Variants in SMG6 observed in about 807,000 individuals in gnomAD.
SMG6 encodes SMG6 nonsense mediated mRNA decay factor.
SMG6 carries 66 observed loss-of-function variants against 142.2 expected under a neutral mutation model. The ratio of observed to expected loss-of-function variants is 0.46; its 90% CI spans 0.38 to 0.57. The LOEUF (loss-of-function observed/expected upper bound fraction) is 0.57, where lower values mean the gene tolerates loss of function less well. Ranked by LOEUF, SMG6 falls within the 20% of genes least tolerant of loss-of-function variation. SMG6 has a pLI of 0.00. For synonymous variants in SMG6, 779 were observed against 702.4 expected (o/e 1.11, Z -1.72); for missense variants, 1,793 against 1,832.0 (o/e 0.98, Z 0.39).
chr17:2,233,346 GA>G (rs2073553988), intron 10 of SMG6: 2 of 152,408 alleles, frequency 1.3e-5, no homozygotes, highest in South Asian at 2.1e-4. Context: ...GGAATGGAAA[GA>G]AAAATGATGG....
At chr17:2,066,216 T>G (rs2067937811) in intron 16 of SMG6, 1 of 168,284 alleles carries the variant, frequency 5.9e-6, no homozygotes, top group South Asian at 1.4e-4. Flanking sequence ...GACCAGAACC[T>G]TGGCACATCT....
chr17:2,244,651 C>G lies in SMG6; in HGVS notation c.2723+7G>C. On this transcript the variant is annotated splice_region_variant and intron_variant, in intron 9 of 18. Coordinates refer to ENST00000263073, the MANE Select transcript of SMG6 (RefSeq NM_017575.5). ...AGGAAAATAAAATAAACATCCTGCACACTTACCCAATCCGGGTAAACAGCT... is the reference window on the plus strand; with the variant it reads ...AGGAAAATAAAATAAACATCCTGCAGACTTACCCAATCCGGGTAAACAGCT... The G allele has an allele frequency of 1.2e-6, 2 of 1,605,340 alleles. No homozygotes were observed. The highest frequency in any genetic ancestry group is 1.7e-6 in the Non-Finnish European group (2 of 1,171,912).
intron 10 of SMG6, chr17:2,229,497 C>T (rs1465819706): frequency 6.6e-6 from 1 of 151,928 alleles, no homozygotes; most frequent in Non-Finnish European, 1.5e-5. Context: ...GTATAATTTA[C>T]TAGCTGTGCA....
intron 13 of SMG6, among the ~76,000 whole-genome samples, chr17:2,126,273 C>G (rs2069874068): frequency 6.6e-6 from 1 of 152,012 alleles, no homozygotes; most frequent in Non-Finnish European, 1.5e-5. Flanking sequence ...TGAACCCTTA[C>G]CTAAGACCAT....
chr17:2,298,788 G>T, intron 2 of SMG6, 118 bp downstream of exon 2: 1 of 891,610 alleles, frequency 1.1e-6, no homozygotes, highest in Non-Finnish European at 1.7e-6. Context: ...CTTACAACGT[G>T]AAAAGGAAAT....
chr17:2,112,563 AT>A (rs1162567303), intron 13 of SMG6, among the ~76,000 whole-genome samples: 11 of 148,724 alleles, frequency 7.4e-5, no homozygotes, highest in African/African-American at 2.2e-4. Flanking sequence ...AAATAAATAA[AT>A]AAATAAAAGG....
At chr17:2,273,485 T>C (rs2074583067) in intron 8 of SMG6, among the ~76,000 whole-genome samples, 1 of 152,046 alleles carries the variant, frequency 6.6e-6, no homozygotes, top group African/African-American at 2.4e-5. Context: ...ATACACAAAT[T>C]AGCCAGGCAT....
At chr17:2,128,763 G>A (rs906700756) in intron 13 of SMG6, among the ~76,000 whole-genome samples, 5 of 143,460 alleles carry the variant, frequency 3.5e-5, no homozygotes, top group Non-Finnish European at 5.9e-5. Context: ...GGTGGAGGTT[G>A]CACTGAGCCA....
chr17:2,176,017 G>A (rs535674034), intron 12 of SMG6, among the ~76,000 whole-genome samples: 2 of 152,300 alleles, frequency 1.3e-5, no homozygotes, highest in Admixed American at 6.5e-5. Context: ...ACAGGAGTGA[G>A]GGAGTGTCAG....
At chr17:2,209,307 G>A (rs1156271207) in intron 10 of SMG6, among the ~76,000 whole-genome samples, 22 of 152,132 alleles carry the variant, frequency 1.4e-4, no homozygotes. Flanking sequence ...CTGTCTCCCG[G>A]GTTTAAGAGA....
At chr17:2,153,490 T>C (rs2070888903) in intron 13 of SMG6, among the ~76,000 whole-genome samples, 1 of 152,236 alleles carries the variant, frequency 6.6e-6, no homozygotes, top group East Asian at 1.9e-4. Context: ...AGAGTGAATT[T>C]TAACTTATGC....
chr17:2,282,780 A>C lies in SMG6; in HGVS notation c.2528T>G (p.Phe843Cys). Residue 843 changes from phenylalanine (F) to cysteine (C), a missense_variant, in exon 8 of 19, where the codon TTC (phenylalanine) becomes TGC (cysteine). Around this residue, in one of 3 missense-constraint regions of SMG6, gnomAD observed 1,597 missense variants for 1,584.6 expected, o/e 1.01. Transcript: ENST00000263073. ...AGTGGTGTCATCTCCAACATGCCGG[A>C]AAGTAGACTTCTTTCCTTTCCGCCA... ...DQWRKGKKST[F>C]RHVGDDTTRL... The C allele has an allele frequency of 6.2e-7, 1 of 1,614,230 alleles. No individual in the cohort carries two copies. The highest frequency in any genetic ancestry group is 8.5e-7 in the Non-Finnish European group (1 of 1,180,052).
At chr17:2,176,224 A>G (rs2071649191) in intron 12 of SMG6, among the ~76,000 whole-genome samples, 1 of 152,136 alleles carries the variant, frequency 6.6e-6, no homozygotes, top group South Asian at 2.1e-4. Context: ...AGAAAAGCTT[A>G]GCTTTTTCCT....
At chr17:2,105,902 G>C (rs762810595) in intron 13 of SMG6, among the ~76,000 whole-genome samples, 2 of 152,164 alleles carry the variant, frequency 1.3e-5, no homozygotes, top group Non-Finnish European at 2.9e-5. Context: ...CCACAGCCTT[G>C]AACTTTTCTA....
intron 1 of SMG6, 171 bp downstream of exon 1, chr17:2,303,462 C>A: frequency 7.6e-7 from 1 of 1,318,162 alleles, no homozygotes. Context: ...CGACCCCGCA[C>A]TAACCCGCGA....
chr17:2,261,359 T>C (rs2074309987), intron 8 of SMG6, among the ~76,000 whole-genome samples: 1 of 151,884 alleles, frequency 6.6e-6, no homozygotes, highest in South Asian at 2.1e-4. Context: ...TACAAGTAAA[T>C]AAACTGCTGG....
chr17:2,270,912 T>C (rs1033788972), intron 8 of SMG6, among the ~76,000 whole-genome samples: 1 of 152,200 alleles, frequency 6.6e-6, no homozygotes, highest in African/African-American at 2.4e-5. Flanking sequence ...TTTCTTGAAC[T>C]CTCTATGCTC....
At chr17:2,105,009 C>A (rs961841013) in intron 13 of SMG6, among the ~76,000 whole-genome samples, 1 of 151,770 alleles carries the variant, frequency 6.6e-6, no homozygotes, top group Non-Finnish European at 1.5e-5. Context: ...CTCAACCTCC[C>A]AGGTTCAAGT....
At chr17:2,254,598 G>C (rs971741894) in intron 8 of SMG6, among the ~76,000 whole-genome samples, 6 of 152,144 alleles carry the variant, frequency 3.9e-5, no homozygotes, top group Non-Finnish European at 8.8e-5. Flanking sequence ...GGCTCCCAAA[G>C]TGCTGGGACT....
Sources: gnomAD v4.1 joint callset for allele counts (sites outside exome capture counted in the v4.1 genomes callset) on GRCh38, gnomAD v4.1.1 for gene constraint, gnomAD v4.1.1 regional missense constraint, MANE v1.5 for transcripts, NCBI Gene and HGNC (gene_info 2026-07-23, HGNC 2026-07-21) for gene names.